Variants in FAM13A observed in about 807,000 individuals in gnomAD.
The protein encoded by FAM13A is protein FAM13A.
In FAM13A, 76 loss-of-function variants were observed where a neutral mutation model predicts 129.6. The observed-to-expected ratio is 0.59, with a 90% CI of 0.49 to 0.71. The LOEUF is 0.71. Ranked by LOEUF, FAM13A falls within the 30% of genes least tolerant of loss-of-function variation. FAM13A has a pLI of 0.00. For synonymous variants in FAM13A, 443 were observed against 449.9 expected (o/e 0.98, Z 0.20); for missense variants, 1,108 against 1,249.3 (o/e 0.89, Z 1.70).
At chr4:88,801,816 A>G (rs1315068486) in intron 8 of FAM13A, among the ~76,000 whole-genome samples, 3 of 152,086 alleles carry the variant, frequency 2.0e-5, no homozygotes, top group Non-Finnish European at 4.4e-5. Flanking sequence ...TAGGACCATG[A>G]AAGTGGTGTA....
chr4:89,035,532 G>A (rs1004062489), intron 1 of FAM13A, among the ~76,000 whole-genome samples: 21 of 152,066 alleles, frequency 1.4e-4, no homozygotes, highest in African/African-American at 5.1e-4. Context: ...GATAATTGAG[G>A]TGCCAAGAAA....
At chr4:88,741,342 T>C (rs962497102) in intron 19 of FAM13A, among the ~76,000 whole-genome samples, 7 of 152,218 alleles carry the variant, frequency 4.6e-5, no homozygotes, top group Admixed American at 1.3e-4. Flanking sequence ...GCTATATGCA[T>C]CATGGATTAA....
chr4:88,853,384 C>G (rs1737948075), intron 6 of FAM13A, among the ~76,000 whole-genome samples: 1 of 151,696 alleles, frequency 6.6e-6, no homozygotes. Context: ...TCAAGAATAC[C>G]AAGAATACTT....
At chr4:88,872,481 G>A (rs1741594711) in intron 6 of FAM13A, among the ~76,000 whole-genome samples, 1 of 152,150 alleles carries the variant, frequency 6.6e-6, no homozygotes, top group Admixed American at 6.5e-5. Context: ...AGCAGGGGTT[G>A]CAATCCTAGT....
At chr4:89,043,706 G>A (rs1242351814) in intron 1 of FAM13A, among the ~76,000 whole-genome samples, 1 of 152,120 alleles carries the variant, frequency 6.6e-6, no homozygotes, top group East Asian at 1.9e-4. Context: ...TAATAAGGAT[G>A]TGACAATAGA....
chr4:88,860,927 A>G (rs766201987), intron 6 of FAM13A, among the ~76,000 whole-genome samples: 1 of 152,220 alleles, frequency 6.6e-6, no homozygotes, highest in Non-Finnish European at 1.5e-5. Context: ...TCAATGAACT[A>G]AAGCCATTTC....
intron 21 of FAM13A, among the ~76,000 whole-genome samples, chr4:88,734,429 T>TA (rs950723713): frequency 8.6e-5 from 13 of 151,912 alleles, no homozygotes; most frequent in Admixed American, 7.9e-4. Flanking sequence ...TATGTTGGAG[T>TA]AAAAAAGCTA....
intron 4 of FAM13A, among the ~76,000 whole-genome samples, chr4:88,957,870 G>T (rs1757996468): frequency 6.6e-6 from 1 of 152,212 alleles, no homozygotes; most frequent in African/African-American, 2.4e-5. Context: ...GGAATTTGTG[G>T]AAGTTTGAAC....
At chr4:88,967,471 G>A (rs779579144) in intron 4 of FAM13A, among the ~76,000 whole-genome samples, 5 of 152,150 alleles carry the variant, frequency 3.3e-5, no homozygotes, top group Admixed American at 1.3e-4. Context: ...ATTCGTTTAT[G>A]AGCACGTTTA....
intron 7 of FAM13A, among the ~76,000 whole-genome samples, chr4:88,805,338 T>G (rs1290728390): frequency 6.6e-6 from 1 of 152,186 alleles, no homozygotes; most frequent in Non-Finnish European, 1.5e-5. Flanking sequence ...GAGGCCCAAT[T>G]CAAGTATTCG....
intron 1 of FAM13A, among the ~76,000 whole-genome samples, chr4:89,032,159 G>A (rs558003519): frequency 6.6e-6 from 1 of 152,196 alleles, no homozygotes; most frequent in South Asian, 2.1e-4. Flanking sequence ...CTCGGAGAAT[G>A]GCGTGAACCT....
intron 14 of FAM13A, among the ~76,000 whole-genome samples, chr4:88,752,696 G>A (rs1300127809): frequency 3.9e-5 from 6 of 152,140 alleles, no homozygotes; most frequent in South Asian, 2.1e-4. Flanking sequence ...AGCTCAAAAC[G>A]CCAACATAAA....
chr4:88,986,640 AC>A lies in FAM13A; in HGVS notation c.605+4332del, dbSNP rs545050660. ...AGTACGGACTGCCCGGATGTCTTAA[AC>A]ATTACTCAGTGGTTTCCCTGATGTT... On this transcript the variant is annotated intron_variant, in intron 4 of 23. Transcript: ENST00000264344. Among the ~76,000 whole-genome samples the A allele has an allele frequency of 2.9e-3, 440 of 152,354 alleles. 1 individual carries two copies. The highest frequency in any genetic ancestry group is 1.0e-2 in the African/African-American group (415 of 41,594).
At chr4:88,863,557 T>C (rs1236930939) in intron 6 of FAM13A, among the ~76,000 whole-genome samples, 1 of 152,214 alleles carries the variant, frequency 6.6e-6, no homozygotes, top group Non-Finnish European at 1.5e-5. Flanking sequence ...ATAGCCACTT[T>C]GTCAGAAGTA....
intron 3 of FAM13A, among the ~76,000 whole-genome samples, chr4:89,013,378 T>A (rs1766002915): frequency 6.6e-6 from 1 of 151,494 alleles, no homozygotes; most frequent in Admixed American, 6.6e-5. Flanking sequence ...TTTTTACCTA[T>A]CTTCTATCTG....
At chr4:89,043,765 ATGTT>A (rs1434272908) in intron 1 of FAM13A, among the ~76,000 whole-genome samples, 1 of 152,190 alleles carries the variant, frequency 6.6e-6, no homozygotes, top group Admixed American at 6.5e-5. Flanking sequence ...AAAACTAAAA[ATGTT>A]TGTGCATCAA....
intron 3 of FAM13A, among the ~76,000 whole-genome samples, chr4:89,014,720 C>A (rs1766228701): frequency 6.6e-6 from 1 of 152,176 alleles, no homozygotes; most frequent in Non-Finnish European, 1.5e-5. Flanking sequence ...ATTTCCTATG[C>A]CTGTCTTACT....
intron 3 of FAM13A, chr4:89,009,140 C>G (rs1052211596): frequency 1.3e-5 from 2 of 152,080 alleles, no homozygotes; most frequent in East Asian, 1.9e-4. Flanking sequence ...GTCTCCACCA[C>G]GAAATCATCA....
At chr4:89,022,556 T>A (rs1439554023) in intron 2 of FAM13A, among the ~76,000 whole-genome samples, 1 of 152,214 alleles carries the variant, frequency 6.6e-6, no homozygotes, top group African/African-American at 2.4e-5. Flanking sequence ...CCAGTTGGTC[T>A]GTGTGGCAGA....
Sources: gnomAD v4.1 joint callset for allele counts (sites outside exome capture counted in the v4.1 genomes callset) on GRCh38, gnomAD v4.1.1 for gene constraint, MANE v1.5 for transcripts, NCBI Gene and HGNC (gene_info 2026-07-23, HGNC 2026-07-21) for gene names.